The following CPLX1 variants were observed in gnomAD, a reference collection of about 807,000 sequenced individuals.
CPLX1 encodes complexin-1.
A neutral mutation model predicts 15.6 loss-of-function variants in CPLX1; 6 were observed. The ratio of observed to expected loss-of-function variants is 0.39; its 90% CI spans 0.21 to 0.76. The LOEUF is 0.76. CPLX1 is among the 30% of genes least tolerant of loss of function. The pLI is 0.43. For missense variants in CPLX1, 242 were observed against 188.6 expected (o/e 1.28, Z -1.66); for synonymous variants, 91 against 75.2 (o/e 1.21, Z -1.08).
In CPLX1 at chr4:794,456, C is replaced by T. The variant is rs368273633; in HGVS notation, c.32-1848G>A. 8.3e-4 allele frequency among the ~76,000 whole-genome samples: 126 copies of T among 152,320 alleles called. No homozygotes were observed. The South Asian group carries it at 9.7e-3, about 12-fold the overall frequency. On this transcript the variant is annotated intron_variant, in intron 2 of 3. Transcript: ENST00000304062. ...GAGGCTTGTGGTCAGTTTTCAGCCG[C>T]ATCTGCCATGTTTTGCAAAGCAGAT...
At chr4:791,885 T>G (rs1469471652) in intron 3 of CPLX1, among the ~76,000 whole-genome samples, 1 of 152,210 alleles carries the variant, frequency 6.6e-6, no homozygotes, top group East Asian at 1.9e-4. Flanking sequence ...AGGGCCGTGC[T>G]GGAGCCACCG....
At chr4:792,044 A>G (rs781652283) in intron 3 of CPLX1, among the ~76,000 whole-genome samples, 41 of 152,042 alleles carry the variant, frequency 2.7e-4, no homozygotes, top group Non-Finnish European at 3.8e-4. Context: ...CGTGAATCCC[A>G]GTGGGTGCCC....
At chr4:823,465 G>A (rs916387459) in intron 2 of CPLX1, among the ~76,000 whole-genome samples, 38 of 152,272 alleles carry the variant, frequency 2.5e-4, no homozygotes, top group African/African-American at 8.4e-4. Flanking sequence ...CTGCAGAAAT[G>A]CTCCCAGGAG....
At chr4:789,751 G>A (rs1463012519) in intron 3 of CPLX1, among the ~76,000 whole-genome samples, 1 of 152,206 alleles carries the variant, frequency 6.6e-6, no homozygotes, top group African/African-American at 2.4e-5. Flanking sequence ...TAGGGGGCTG[G>A]ACACTCCAAA....
chr4:804,777 C>A, intron 2 of CPLX1: 2 of 985,436 alleles, frequency 2.0e-6, no homozygotes, highest in Non-Finnish European at 2.4e-6. Flanking sequence ...TCGGGAAGTG[C>A]CTGCAGAGTC....
At chr4:789,964 A>G (rs1354081700) in intron 3 of CPLX1, among the ~76,000 whole-genome samples, 1 of 77,604 alleles carries the variant, frequency 1.3e-5, no homozygotes, top group African/African-American at 8.3e-5. Context: ...CCCCTACCCC[A>G]ACAGGTGGCC....
At chr4:798,655 C>G (rs759825836) in intron 2 of CPLX1, among the ~76,000 whole-genome samples, 1 of 152,216 alleles carries the variant, frequency 6.6e-6, no homozygotes, top group Admixed American at 6.5e-5. Flanking sequence ...CCTCAGCCTC[C>G]CGAAGTGCTG....
Position 796,869 on chromosome 4 carries a change from C to A in CPLX1, c.32-4261G>T, listed in dbSNP as rs7662653. Among the ~76,000 whole-genome samples, 435 of 152,272 alleles carry A rather than the reference C, an allele frequency of 2.9e-3. 3 individuals are homozygous for A. The highest frequency in any genetic ancestry group is 9.9e-3 in the African/African-American group (410 of 41,536). On this transcript the variant is annotated intron_variant, in intron 2 of 3. Coordinates refer to ENST00000304062, the MANE Select transcript of CPLX1 (RefSeq NM_006651.4). ...AGGAAAAAGAGGAGAGTGAGGTCCA[C>A]CAGATACCAAGACAGAATGATGATG...
chr4:793,428 G>T (rs1206443717), intron 2 of CPLX1, among the ~76,000 whole-genome samples: 2 of 152,156 alleles, frequency 1.3e-5, no homozygotes, highest in African/African-American at 2.4e-5. Flanking sequence ...TGATTCACAG[G>T]CCCCACAAAC....
intron 2 of CPLX1, among the ~76,000 whole-genome samples, chr4:806,623 A>G (rs1327058979): frequency 2.0e-5 from 3 of 152,238 alleles, no homozygotes; most frequent in Admixed American, 6.5e-5. Context: ...AGAATTGGAG[A>G]AACATTTCTC....
At chr4:807,072 C>T (rs1453181991) in intron 2 of CPLX1, among the ~76,000 whole-genome samples, 1 of 152,166 alleles carries the variant, frequency 6.6e-6, no homozygotes, top group Admixed American at 6.5e-5. Context: ...AGGGAATCAA[C>T]CCAAATGCCC....
At chr4:807,650 T>A (rs1746582479) in intron 2 of CPLX1, among the ~76,000 whole-genome samples, 1 of 151,992 alleles carries the variant, frequency 6.6e-6, no homozygotes, top group South Asian at 2.1e-4. Context: ...AATTTTTTTT[T>A]ATTATTATTT....
chr4:796,517 G>A (rs1211949233), intron 2 of CPLX1, among the ~76,000 whole-genome samples: 1 of 152,286 alleles, frequency 6.6e-6, no homozygotes, highest in South Asian at 2.1e-4. Flanking sequence ...ACTCCTGACT[G>A]CCTGATCCGC....
Position 824,609 on chromosome 4 carries a change from A to G in CPLX1, c.-79-8T>C. 1 of 1,447,700 alleles carries G rather than the reference A, an allele frequency of 6.9e-7. No individual in the cohort carries two copies. Among genetic ancestry groups the G allele is most frequent in the Non-Finnish European group, 9.7e-7 (1 of 1,030,442 alleles). The allele number at this position is 1,447,700 out of a possible 1,614,324, so 89.7% of individuals were successfully genotyped here. A position where few individuals can be genotyped will look rare whatever the true frequency, so the allele number is the denominator to read the frequency against. ...CGGGAGCGAGTGTTCTTCCTGGGGG[A>G]GAGTGAAGTGGTCACAGGTCACCCT... On this transcript the variant is annotated splice_polypyrimidine_tract_variant and splice_region_variant and intron_variant, in intron 1 of 3. Transcript: ENST00000304062.
At chr4:811,394 C>T (rs1219102210) in intron 2 of CPLX1, among the ~76,000 whole-genome samples, 2 of 152,136 alleles carry the variant, frequency 1.3e-5, no homozygotes, top group African/African-American at 2.4e-5. Flanking sequence ...AATCCTTCCT[C>T]CTTAGCCTCG....
At chr4:813,967 C>T (rs1185744469) in intron 2 of CPLX1, among the ~76,000 whole-genome samples, 2 of 152,188 alleles carry the variant, frequency 1.3e-5, no homozygotes, top group African/African-American at 2.4e-5. Flanking sequence ...GCTAAATGGA[C>T]GGAAAAGGAG....
chr4:810,056 T>A lies in CPLX1; in HGVS notation c.31+14436A>T, dbSNP rs547907667. Among the ~76,000 whole-genome samples the A allele has an allele frequency of 1.0e-3, 153 of 148,570 alleles. 1 individual carries two copies. The highest frequency in any genetic ancestry group is 3.6e-3 in the African/African-American group (147 of 40,346). ...TGTGGATCTGCACTTTCTTTTTTTTTTTTTTTTTTTTGAGATGGAGTCTCG... is the reference window on the plus strand; with the variant it reads ...TGTGGATCTGCACTTTCTTTTTTTTATTTTTTTTTTTGAGATGGAGTCTCG... On this transcript the variant is annotated intron_variant, in intron 2 of 3. Transcript: ENST00000304062.
At chr4:820,759 AGGT>A (rs1746845117) in intron 2 of CPLX1, among the ~76,000 whole-genome samples, 1 of 93,418 alleles carries the variant, frequency 1.1e-5, no homozygotes, top group Non-Finnish European at 2.5e-5. Flanking sequence ...TGAACCCCCA[AGGT>A]GGACACCCCT....
At chr4:803,532 A>AGGCATCCGCCAC (rs1746497869) in intron 2 of CPLX1, among the ~76,000 whole-genome samples, 1 of 151,588 alleles carries the variant, frequency 6.6e-6, no homozygotes, top group African/African-American at 2.4e-5. Context: ...CTGGGACTGC[A>AGGCATCCGCCAC]GGCGTCCGCC....
Sources: allele counts gnomAD v4.1 joint callset (sites outside exome capture counted in the v4.1 genomes callset), GRCh38; gene constraint gnomAD v4.1.1; transcripts MANE v1.5; gene names NCBI Gene and HGNC (gene_info 2026-07-23, HGNC 2026-07-21).